The following PGLYRP2 variants were observed in gnomAD, a reference collection of about 807,000 sequenced individuals.
The protein encoded by PGLYRP2 is peptidoglycan recognition protein 2.
A neutral mutation model predicts 46.2 loss-of-function variants in PGLYRP2; 38 were observed. That is an observed-to-expected ratio of 0.82 (90% confidence interval 0.64 to 1.08). The LOEUF is 1.08. Among genes scored for constraint, PGLYRP2 ranks in the 50% least tolerant of loss-of-function variants. The pLI is 0.00. For missense variants in PGLYRP2, 713 were observed against 755.9 expected, an observed-to-expected ratio of 0.94 and a Z score of 0.67; for synonymous variants, 289 against 329.4, an observed-to-expected ratio of 0.88 and a Z score of 1.33.
chr19:15,475,627 G>T lies in PGLYRP2; in HGVS notation c.1043C>A (p.Pro348Gln). The T allele has an allele frequency of 6.2e-7, 1 of 1,614,128 alleles. No individual in the cohort carries two copies. The change falls in exon 2 of 5, where the codon CCA becomes CAA. Residue 348 changes from proline to glutamine, a missense_variant. By Grantham distance (76) the Pro-to-Gln change is moderately conservative (BLOSUM62 -1). Coordinates refer to ENST00000340880, the MANE Select transcript of PGLYRP2 (RefSeq NM_052890.4). ...CATGCACTGAAGCTGGAGGTGTACT[G>T]GCTCCAGCCTCTGTAGAAGGACAAG... ...GTLVLLQRLE[P>Q]VHLQLQCMSQ... is the part of the protein sequence containing the mutation.
chr19:15,471,791 T>C lies in PGLYRP2; in HGVS notation c.1343+99A>G. 2.2e-6 allele frequency: 3 copies of C among 1,358,984 alleles called. No individual in the cohort carries two copies. The East Asian group carries it at 7.4e-5, about 34-fold the overall frequency. 84.2% of individuals were successfully genotyped at this position (1,358,984 alleles called of 1,614,324 possible). A position where few individuals can be genotyped will look rare whatever the true frequency, so the allele number is the denominator to read the frequency against. On this transcript the variant is annotated intron_variant, in intron 3 of 4. Transcript: ENST00000340880. ...GACTCCTCCTTGGTCTTGCCAGCTT[T>C]CCTCGGGTTCAAGCCCGGTCCCCTG...
At chr19:15,472,176 A>C in intron 2 of PGLYRP2, 76 bp from the exon 3 acceptor site, 2 of 1,233,944 alleles carry the variant, frequency 1.6e-6, no homozygotes, top group South Asian at 2.8e-5. Flanking sequence ...TAAAGCGCAC[A>C]TACAGACCAT....
rs1490141094 is a variant in PGLYRP2, at chr19:15,469,062, G to C, written c.1642-310C>G. 3 of 514,138 alleles carry C rather than the reference G, an allele frequency of 5.8e-6. No individual in the cohort carries two copies. The East Asian group carries it at 9.6e-5, about 16-fold the overall frequency. 31.8% of individuals were successfully genotyped at this position (514,138 alleles called of 1,614,324 possible). ...ATAAGAGTTGTCATCAGGGGTTAAG[G>C]AGTCAGGGACGAAACAAGCAACCTC... On this transcript the variant is annotated intron_variant, in intron 4 of 4. Coordinates refer to ENST00000340880, the MANE Select transcript of PGLYRP2 (RefSeq NM_052890.4). The surrounding 1 kb of genome is among the most constrained non-coding windows in gnomAD (Gnocchi z 4.9).
chr19:15,473,355 A>G (rs1970766311), intron 2 of PGLYRP2, among the ~76,000 whole-genome samples: 1 of 151,796 alleles, frequency 6.6e-6, no homozygotes, highest in African/African-American at 2.4e-5. Context: ...CTGTAATCCC[A>G]GCTATGTGGG....
At chr19:15,474,697 A>C (rs763977607) in intron 2 of PGLYRP2, among the ~76,000 whole-genome samples, 16 of 152,170 alleles carry the variant, frequency 1.1e-4, no homozygotes, top group Admixed American at 2.6e-4. Flanking sequence ...GTAAAAAATG[A>C]CATAATGTTG....
chr19:15,475,795 G>A lies in PGLYRP2; in HGVS notation c.875C>T (p.Pro292Leu), dbSNP rs372471706. 19 of 1,613,992 alleles carry A rather than the reference G, an allele frequency of 1.2e-5. No individual in the cohort carries two copies. The highest frequency in any genetic ancestry group is 1.5e-5 in the Non-Finnish European group (18 of 1,180,030). The change falls in exon 2 of 5, where the codon CCC (proline) becomes CTC (leucine). Residue 292 changes from proline (P) to leucine (L), a missense_variant. Transcript: ENST00000340880. ...CAGCAAGTGGCTGAGGGATGGCCGG[G>A]GCTCAGGAGTCCGGCTCAGGTAGTC... is the stretch of plus-strand genomic sequence containing the variant. ...LGDYLSRTPE[P>L]RPSLSHLLSQ...
chr19:15,470,453 C>A (rs1157258558), intron 3 of PGLYRP2, among the ~76,000 whole-genome samples: 2 of 151,102 alleles, frequency 1.3e-5, no homozygotes, highest in East Asian at 3.9e-4. Flanking sequence ...CCCGCCACCA[C>A]GCCCATCTAA....
chr19:15,479,462 G>T lies in PGLYRP2; in HGVS notation c.-91C>A. On this transcript the variant is annotated 5_prime_UTR_variant, in exon 1 of 5. Coordinates refer to ENST00000340880, the MANE Select transcript of PGLYRP2 (RefSeq NM_052890.4). ...TGGAGGGAGACAGGCACAGAGAACTGAGCAGAGCCTTTGACCACTGTCAAA... is the reference window on the plus strand; with the variant it reads ...TGGAGGGAGACAGGCACAGAGAACTTAGCAGAGCCTTTGACCACTGTCAAA... 1.6e-6 allele frequency: 2 copies of T among 1,280,478 alleles called. No homozygotes were observed. Among genetic ancestry groups the T allele is most frequent in the South Asian group, 1.3e-5 (1 of 79,730 alleles). The allele number at this position is 1,280,478 out of a possible 1,614,324, so 79.3% of individuals were successfully genotyped here. A position where few individuals can be genotyped will look rare whatever the true frequency, so the allele number is the denominator to read the frequency against.
chr19:15,474,328 ACT>A (rs1177096082), intron 2 of PGLYRP2, among the ~76,000 whole-genome samples: 28 of 152,098 alleles, frequency 1.8e-4, no homozygotes, highest in Admixed American at 1.8e-3. Flanking sequence ...CAAGAGTGAA[ACT>A]CTGTCTAAAA....
chr19:15,471,793 C>T (rs1970751294), intron 3 of PGLYRP2, 97 bp downstream of exon 3: 1 of 1,380,148 alleles, frequency 7.2e-7, no homozygotes, highest in Non-Finnish European at 9.8e-7. Flanking sequence ...GCCAGCTTTC[C>T]TCGGGTTCAA....
At chr19:15,476,646 A>C in intron 1 of PGLYRP2, 38 bp from the exon 2 acceptor site, 1 of 1,485,542 alleles carries the variant, frequency 6.7e-7, no homozygotes, top group Non-Finnish European at 9.0e-7. Flanking sequence ...AGCCCCACCC[A>C]TTCCTGAGCC....
chr19:15,476,438 C>A lies in PGLYRP2; in HGVS notation c.232G>T (p.Ala78Ser), dbSNP rs1417168551. ...AGTGGGCAGGGATCCAACTCTGTAG[C>A]ATTGAGGCTCCATGCCCCCAGCAGG... ...HFLLGAWSLN[A>S]TELDPCPLSP... Residue 78 changes from alanine (A) to serine (S), a missense_variant, in exon 2 of 5, where the codon GCT (alanine) becomes TCT (serine). Physicochemically the swap from Ala to Ser is moderately conservative, Grantham distance 99. Coordinates refer to ENST00000340880, the MANE Select transcript of PGLYRP2 (RefSeq NM_052890.4). 6.2e-7 allele frequency: 1 copy of A among 1,614,124 alleles called. No individual in the cohort carries two copies. Among genetic ancestry groups the A allele is most frequent in the East Asian group, 2.2e-5 (1 of 44,874 alleles).
At position 15,476,579 on chromosome 19, in the gene PGLYRP2, T is replaced by G; in HGVS notation, c.91A>C (p.Ile31Leu). Residue 31 changes from isoleucine to leucine, a missense_variant, in exon 2 of 5, where the codon ATC becomes CTC. Transcript: ENST00000340880. ...ASLPLLMDSV[I>L]QALAELEQKV... ...TGCTCCAGCTCAGCCAGGGCCTGGATGACAGAGTCCATGAGCAGGGGCAGG... is the reference window on the plus strand; with the variant it reads ...TGCTCCAGCTCAGCCAGGGCCTGGAGGACAGAGTCCATGAGCAGGGGCAGG... 1 of 1,610,086 alleles carries G rather than the reference T, an allele frequency of 6.2e-7. No individual in the cohort carries two copies. The highest frequency in any genetic ancestry group is 1.1e-5 in the South Asian group (1 of 90,470).
Position 15,472,046 on chromosome 19 carries a change from C to G in PGLYRP2, c.1187G>C (p.Arg396Pro), listed in dbSNP as rs765691545. Reference sequence around the variant, plus strand: ...CAGCGGCAGCTGCAGCAGCTTCGGGCGGCCCCGATAAGGCGCCGCTCCCCA... The same window carrying G: ...CAGCGGCAGCTGCAGCAGCTTCGGGGGGCCCCGATAAGGCGCCGCTCCCCA... ...CRWGAAPYRG[R>P]PKLLQLPLGF... Residue 396 changes from arginine (R) to proline (P), a missense_variant, in exon 3 of 5, where the codon CGC becomes CCC. Coordinates refer to ENST00000340880, the MANE Select transcript of PGLYRP2 (RefSeq NM_052890.4). 2 of 1,610,756 alleles carry G rather than the reference C, an allele frequency of 1.2e-6. No individual in the cohort carries two copies. Among genetic ancestry groups the G allele is most frequent in the Non-Finnish European group, 1.7e-6 (2 of 1,179,910 alleles).
chr19:15,468,899 G>T (rs1181214832), intron 4 of PGLYRP2, 147 bp from the exon 5 acceptor site: 9 of 590,868 alleles, frequency 1.5e-5, no homozygotes, highest in South Asian at 4.1e-5. Flanking sequence ...GGCCGAGATG[G>T]ATGTGCTAGT....
chr19:15,478,171 A>G (rs1249503884), intron 1 of PGLYRP2, among the ~76,000 whole-genome samples: 1 of 152,026 alleles, frequency 6.6e-6, no homozygotes, highest in Non-Finnish European at 1.5e-5. Context: ...ACATGGTGAA[A>G]CCCCGTTTCT....
Position 15,479,441 on chromosome 19 carries a change from G to A in PGLYRP2, c.-70C>T. ...GGCAGAGAACCTCGGCAGTGCTGGA[G>A]GGAGACAGGCACAGAGAACTGAGCA... On this transcript the variant is annotated 5_prime_UTR_variant, in exon 1 of 5. Transcript: ENST00000340880. The A allele has an allele frequency of 6.9e-7, 1 of 1,458,726 alleles. No individual in the cohort carries two copies. The highest frequency in any genetic ancestry group is 1.2e-5 in the South Asian group (1 of 85,048). 90.4% of individuals were successfully genotyped at this position (1,458,726 alleles called of 1,614,324 possible).
In PGLYRP2 at chr19:15,476,499, A is replaced by G. The variant is rs373896744; in HGVS notation, c.171T>C (p.Ala57=). 1 of 1,613,982 alleles carries G rather than the reference A, an allele frequency of 6.2e-7. No individual in the cohort carries two copies. ...RHTASAWLMS[A]PNSGPHNRLY... is the part of the protein sequence containing the mutation. ...GGCGATTGTGGGGGCCAGAGTTTGG[A>G]GCTGACATCAGCCACGCAGAAGCTG... The change falls in exon 2 of 5, where the codon GCT becomes GCC. Residue 57 remains alanine (A), a synonymous_variant. Coordinates refer to ENST00000340880, the MANE Select transcript of PGLYRP2 (RefSeq NM_052890.4).
At chr19:15,475,220 A>G (rs1970782627) in intron 2 of PGLYRP2, among the ~76,000 whole-genome samples, 1 of 152,140 alleles carries the variant, frequency 6.6e-6, no homozygotes, top group African/African-American at 2.4e-5. Context: ...GGGTGGATGT[A>G]TGTTATTGGA....
Sources: allele counts gnomAD v4.1 joint callset (sites outside exome capture counted in the v4.1 genomes callset), GRCh38; gene constraint gnomAD v4.1.1; non-coding constraint Gnocchi (gnomAD v3.1); transcripts MANE v1.5; gene names NCBI Gene and HGNC (gene_info 2026-07-23, HGNC 2026-07-21).